Variants in CRAMP1 observed in about 807,000 individuals in gnomAD.
The protein encoded by CRAMP1 is protein cramped-like.
CRAMP1 carries 50 observed loss-of-function variants against 115.4 expected under a neutral mutation model. That is an observed-to-expected ratio of 0.43 (90% CI 0.35 to 0.55). The LOEUF (loss-of-function observed/expected upper bound fraction) is 0.55. Among genes scored for constraint, CRAMP1 ranks in the 20% least tolerant of loss-of-function variants. The pLI is 0.01. For missense variants in CRAMP1, 1,679 were observed against 1,721.7 expected (o/e 0.98, Z 0.44); for synonymous variants, 866 against 745.4 (o/e 1.16, Z -2.64).
At chr16:1,673,415 G>T (rs748333936) in intron 20 of CRAMP1, among the ~76,000 whole-genome samples, 3 of 152,130 alleles carry the variant, frequency 2.0e-5, no homozygotes, top group African/African-American at 7.2e-5. Context: ...TCATGTCTAT[G>T]ATGGAAACGT....
At chr16:1,654,359 G>C (rs1283626543) in intron 8 of CRAMP1, among the ~76,000 whole-genome samples, 2 of 151,642 alleles carry the variant, frequency 1.3e-5, no homozygotes, top group African/African-American at 4.8e-5. Context: ...TTACATGCGC[G>C]TGCCACCACG....
At chr16:1,628,240 CA>C (rs1171584450) in intron 3 of CRAMP1, among the ~76,000 whole-genome samples, 2 of 152,116 alleles carry the variant, frequency 1.3e-5, no homozygotes, top group Admixed American at 1.3e-4. Flanking sequence ...AGAGCGAGGG[CA>C]AGAGAAAGGA....
chr16:1,632,571 C>G (rs539153652), intron 4 of CRAMP1, among the ~76,000 whole-genome samples: 1 of 152,382 alleles, frequency 6.6e-6, no homozygotes, highest in African/African-American at 2.4e-5. Flanking sequence ...TGGCCCGTAT[C>G]CCATGCTCCA....
At chr16:1,640,353 G>A (rs2036621839) in intron 5 of CRAMP1, among the ~76,000 whole-genome samples, 1 of 152,174 alleles carries the variant, frequency 6.6e-6, no homozygotes, top group East Asian at 1.9e-4. Context: ...CTGCTCTGAT[G>A]AGAGGGGTCA....
chr16:1,637,871 A>C lies in CRAMP1; in HGVS notation c.742A>C (p.Ile248Leu). 1 of 1,570,362 alleles carries C rather than the reference A, an allele frequency of 6.4e-7. No homozygotes were observed. Among genetic ancestry groups the C allele is most frequent in the Non-Finnish European group, 8.6e-7 (1 of 1,160,524 alleles). The change falls in exon 5 of 21, where the codon ATC becomes CTC. Residue 248 changes from isoleucine (I) to leucine (L), a missense_variant. This residue lies in a region of CRAMP1 where 42 missense variants were observed against 42.3 expected (regional missense o/e 0.99). Transcript: ENST00000397412. ...GTCATCCCAGGAACTGTATGGCCTG[A>C]TCTGCTATGGCGAGCTGCGCAAGAA... ...KKSSQELYGL[I>L]CYGELRKKIG...
At position 1,638,190 on chromosome 16, in the gene CRAMP1, A is replaced by G. The variant is rs543584053; in HGVS notation, c.778+283A>G. 4.6e-5 allele frequency among the ~76,000 whole-genome samples: 7 copies of G among 152,316 alleles called. No homozygotes were observed. In the South Asian group the frequency reaches 1.0e-3, roughly 23 times the overall value. ...CCACTCGACTGTAAGATGTCACGCC[A>G]CAGCCCAGAATACCTCCACCGGCAT... On this transcript the variant is annotated intron_variant, in intron 5 of 20. Coordinates refer to ENST00000397412, the MANE Select transcript of CRAMP1 (RefSeq NM_020825.4).
chr16:1,614,905 C>T lies in CRAMP1; in HGVS notation c.266C>T (p.Pro89Leu). The T allele has an allele frequency of 5.3e-6, 7 of 1,322,548 alleles. No individual in the cohort carries two copies. The highest frequency in any genetic ancestry group is 6.8e-6 in the Non-Finnish European group (7 of 1,035,218). 81.9% of individuals were successfully genotyped at this position (1,322,548 alleles called of 1,614,324 possible). Residue 89 changes from proline (P) to leucine (L), a missense_variant, in exon 2 of 21, where the codon CCG becomes CTG. Pro to Leu is a moderately conservative substitution (Grantham distance 98). Around this residue, in one of 8 missense-constraint regions of CRAMP1, gnomAD observed 264 missense variants for 229.7 expected, o/e 1.15. Coordinates refer to ENST00000397412, the MANE Select transcript of CRAMP1 (RefSeq NM_020825.4). This position sits in a 1 kb window ranked among gnomAD's most constrained non-coding sequence, Gnocchi z 4.4. ...CACTTCCTCCGGTCCAGCGTGCGGCCGCAGAGCAAGAGGCCCAGGAAGGAT... is the reference window on the plus strand; with the variant it reads ...CACTTCCTCCGGTCCAGCGTGCGGCTGCAGAGCAAGAGGCCCAGGAAGGAT... ...QHHFLRSSVR[P>L]QSKRPRKDPP...
chr16:1,614,813 CCCCCCCGCG>C lies in CRAMP1; in HGVS notation c.182_190del (p.Ala61_Pro63del). On this transcript the variant is annotated inframe_deletion, in exon 2 of 21. Transcript: ENST00000397412. This position sits in a 1 kb window ranked among gnomAD's most constrained non-coding sequence, Gnocchi z 4.4. ...AGACCCCCCGGGCCGGCGCCGACGG[CCCCCCCGCG>C]CCCCCCGGCGCGCCGCAGGCGCCGT... is the stretch of plus-strand genomic sequence containing the variant. 1 of 1,262,412 alleles carries C rather than the reference CCCCCCCGCG, an allele frequency of 7.9e-7. No homozygotes were observed. The highest frequency in any genetic ancestry group is 9.9e-7 in the Non-Finnish European group (1 of 1,006,214). The allele number at this position is 1,262,412 out of a possible 1,614,324, so 78.2% of individuals were successfully genotyped here.
chr16:1,623,405 T>C (rs2036481970), intron 2 of CRAMP1, among the ~76,000 whole-genome samples: 1 of 152,266 alleles, frequency 6.6e-6, no homozygotes, highest in East Asian at 1.9e-4. Context: ...TGTTAGCCTT[T>C]ACTGTTTCAC....
chr16:1,663,001 A>G (rs193065600), intron 13 of CRAMP1, among the ~76,000 whole-genome samples, 166 bp downstream of exon 13: 38 of 152,370 alleles, frequency 2.5e-4, no homozygotes, highest in African/African-American at 8.7e-4. Context: ...AGTGAACTTA[A>G]TGGTACCCAG....
rs771573550 is a variant in CRAMP1 at position 1,632,394 on chromosome 16, G to T, written c.694+29G>T. On this transcript the variant is annotated intron_variant, in intron 4 of 20. Transcript: ENST00000397412. ...AGTGTGCCACGGGCCAGGCTCGGGG[G>T]TGCCCACAGGCAGGGCCGGCTTCTG... 5.1e-6 allele frequency: 8 copies of T among 1,561,362 alleles called. 1 individual carries two copies. In the African/African-American group the frequency reaches 5.4e-5, roughly 11 times the overall value.
chr16:1,632,055 G>T (rs1010818443), intron 3 of CRAMP1, among the ~76,000 whole-genome samples, 157 bp from the exon 4 acceptor site: 8 of 152,282 alleles, frequency 5.3e-5, no homozygotes, highest in Non-Finnish European at 1.0e-4. Context: ...GGGAGTCGAA[G>T]TTCAAGTTCA....
chr16:1,661,027 T>C (rs906101090), intron 11 of CRAMP1, among the ~76,000 whole-genome samples: 12 of 148,754 alleles, frequency 8.1e-5, no homozygotes, highest in African/African-American at 2.7e-4. Flanking sequence ...AAAAAAACAA[T>C]GAGTTTTCAA....
chr16:1,654,151 A>AG (rs1046398974), intron 8 of CRAMP1, among the ~76,000 whole-genome samples: 13 of 151,882 alleles, frequency 8.6e-5, no homozygotes, highest in African/African-American at 2.9e-4. Flanking sequence ...TCAAAAAAAA[A>AG]AAAAAGAAAA....
chr16:1,634,921 C>A (rs1339521074), intron 4 of CRAMP1, among the ~76,000 whole-genome samples: 1 of 152,094 alleles, frequency 6.6e-6, no homozygotes, highest in Non-Finnish European at 1.5e-5. Flanking sequence ...TTTTTTGAGC[C>A]AGAGTCTTGC....
chr16:1,647,748 TAAAAAAA>T (rs35279793), intron 6 of CRAMP1, among the ~76,000 whole-genome samples: 67 of 87,748 alleles, frequency 7.6e-4, no homozygotes, highest in Admixed American at 2.1e-3. Flanking sequence ...GACTCTGCCT[TAAAAAAA>T]AAAAAAAAAA....
chr16:1,621,417 A>G (rs931891588), intron 2 of CRAMP1, among the ~76,000 whole-genome samples: 1 of 152,200 alleles, frequency 6.6e-6, no homozygotes, highest in African/African-American at 2.4e-5. Context: ...AAATTGTCTT[A>G]CTTGGGCGGC....
intron 10 of CRAMP1, 119 bp downstream of exon 10, chr16:1,657,111 G>A: frequency 3.1e-6 from 3 of 961,804 alleles, no homozygotes; most frequent in Non-Finnish European, 4.4e-6. Flanking sequence ...GAGAGACAGG[G>A]TCCTGTGGCA....
intron 7 of CRAMP1, among the ~76,000 whole-genome samples, chr16:1,652,832 T>A (rs1178924205): frequency 6.6e-6 from 1 of 152,200 alleles, no homozygotes; most frequent in Non-Finnish European, 1.5e-5. Flanking sequence ...CTATGGCCTC[T>A]CTGGACCAGT....
Sources: gnomAD v4.1 joint callset for allele counts (sites outside exome capture counted in the v4.1 genomes callset) on GRCh38, gnomAD v4.1.1 for gene constraint, gnomAD v4.1.1 regional missense constraint, Gnocchi (gnomAD v3.1) non-coding constraint, MANE v1.5 for transcripts, NCBI Gene and HGNC (gene_info 2026-07-23, HGNC 2026-07-21) for gene names.